Variants in BCL2L11 observed in about 807,000 individuals in gnomAD.
BCL2L11 encodes BCL2 like 11.
Under a neutral mutation model 20.6 loss-of-function variants are expected in BCL2L11, and 15 were observed. The observed-to-expected ratio is 0.73, with a 90% CI of 0.49 to 1.12. The LOEUF (loss-of-function observed/expected upper bound fraction) is 1.12. Ranked by LOEUF, BCL2L11 falls within the 50% of genes most tolerant of loss-of-function variation. BCL2L11 has a pLI of 0.00. For synonymous variants in BCL2L11, 108 were observed against 92.8 expected, an observed-to-expected ratio of 1.16 and a Z score of -0.94; for missense variants, 292 against 260.9, an observed-to-expected ratio of 1.12 and a Z score of -0.82.
intron 2 of BCL2L11, chr2:111,142,388 C>T: frequency 6.5e-7 from 1 of 1,550,126 alleles, no homozygotes; most frequent in South Asian, 1.2e-5. Context: ...TTAGCAAAAT[C>T]AAGGTGAAAA....
chr2:111,121,578 T>C (rs1268646109), intron 1 of BCL2L11, among the ~76,000 whole-genome samples: 2 of 152,176 alleles, frequency 1.3e-5, no homozygotes, highest in East Asian at 3.9e-4. Flanking sequence ...CGCCGCCGGC[T>C]CCGGCGCCCT....
At chr2:111,157,041 G>A (rs1223350076) in intron 3 of BCL2L11, among the ~76,000 whole-genome samples, 1 of 152,216 alleles carries the variant, frequency 6.6e-6, no homozygotes, top group Admixed American at 6.5e-5. Flanking sequence ...AATATGAGAT[G>A]AGGCTGAGGC....
At chr2:111,144,526 T>C (rs1390280344) in intron 2 of BCL2L11, 2 of 1,550,408 alleles carry the variant, frequency 1.3e-6, no homozygotes, top group African/African-American at 1.4e-5. Context: ...CCCAGGTGAG[T>C]TTTATAAGGA....
At chr2:111,125,939 C>T (rs1005935907) in intron 2 of BCL2L11, among the ~76,000 whole-genome samples, 5 of 152,156 alleles carry the variant, frequency 3.3e-5, no homozygotes, top group African/African-American at 1.2e-4. Context: ...ACTATAACAT[C>T]CTTGCTTACT....
At position 111,164,168 on chromosome 2, in the gene BCL2L11, C is replaced by T. The variant is rs1009942327; in HGVS notation, c.534C>T (p.His178=). 7 of 1,611,480 alleles carry T rather than the reference C, an allele frequency of 4.3e-6. No individual in the cohort carries two copies. Among genetic ancestry groups the T allele is most frequent in the African/African-American group, 4.0e-5 (3 of 74,814 alleles). Reference sequence around the variant, plus strand: ...ATAATTACCAAGCAGCCGAAGACCACCCACGAATGGTTATCTTACGACTGT... The same window carrying T: ...ATAATTACCAAGCAGCCGAAGACCATCCACGAATGGTTATCTTACGACTGT... ...FLNNYQAAED[H]PRMVILRLLR... Residue 178 remains histidine (H), a synonymous_variant, in exon 4 of 4, where the codon CAC becomes CAT. Coordinates refer to ENST00000393256, the MANE Select transcript of BCL2L11 (RefSeq NM_138621.5).
At position 111,150,154 on chromosome 2, in the gene BCL2L11, A is replaced by T. The variant is rs1043863932; in HGVS notation, c.498+7A>T. On this transcript the variant is annotated splice_region_variant and intron_variant, in intron 3 of 3. Transcript: ENST00000393256. ...CGCTTACTATGCAAGGAGGGTAATGATGTTTTCTTTACCCGCTTTTCTGCT... is the reference window on the plus strand; with the variant it reads ...CGCTTACTATGCAAGGAGGGTAATGTTGTTTTCTTTACCCGCTTTTCTGCT... The T allele has an allele frequency of 1.2e-6, 2 of 1,613,190 alleles. No individual in the cohort carries two copies. Among genetic ancestry groups the T allele is most frequent in the East Asian group, 2.2e-5 (1 of 44,852 alleles).
chr2:111,122,198 G>A (rs559172100), intron 1 of BCL2L11, among the ~76,000 whole-genome samples: 2 of 152,358 alleles, frequency 1.3e-5, no homozygotes, highest in East Asian at 3.9e-4. Flanking sequence ...GGTGACGGCC[G>A]TTAGGGTCTG....
chr2:111,129,616 C>T (rs1197336510), intron 2 of BCL2L11, among the ~76,000 whole-genome samples: 4 of 152,238 alleles, frequency 2.6e-5, no homozygotes, highest in African/African-American at 9.6e-5. Flanking sequence ...GAGATTTCAT[C>T]AGTTTCACAT....
At position 111,164,374 on chromosome 2, in the gene BCL2L11, C is replaced by G. The variant is rs970725531; in HGVS notation, c.*143C>G. 7.9e-6 allele frequency: 5 copies of G among 634,566 alleles called. No individual in the cohort carries two copies. The highest frequency in any genetic ancestry group is 7.3e-5 in the South Asian group (4 of 54,784). 39.3% of individuals were successfully genotyped at this position (634,566 alleles called of 1,614,324 possible). A position where few individuals can be genotyped will look rare whatever the true frequency, so the allele number is the denominator to read the frequency against. ...GGGCAGGTGACGTTTCAGAAGACAC[C>G]GAGCTGGATGGGACTACCTTTCTGT... On this transcript the variant is annotated 3_prime_UTR_variant, in exon 4 of 4. Coordinates refer to ENST00000393256, the MANE Select transcript of BCL2L11 (RefSeq NM_138621.5).
At chr2:111,154,217 A>G (rs560778443) in intron 3 of BCL2L11, among the ~76,000 whole-genome samples, 3 of 152,306 alleles carry the variant, frequency 2.0e-5, no homozygotes, top group African/African-American at 7.2e-5. Context: ...TTCAGTGTAT[A>G]TTTCCCAAAA....
At chr2:111,128,389 T>G (rs2073136159) in intron 2 of BCL2L11, among the ~76,000 whole-genome samples, 1 of 152,150 alleles carries the variant, frequency 6.6e-6, no homozygotes, top group Admixed American at 6.5e-5. Context: ...TTGTGAGTAG[T>G]GCTGCTATGA....
intron 3 of BCL2L11, chr2:111,152,035 G>C (rs920296310): frequency 3.0e-5 from 21 of 711,120 alleles, no homozygotes; most frequent in Admixed American, 1.5e-4. Context: ...TGACTAGGAA[G>C]AACTGGTGAG....
chr2:111,164,303 G>C lies in BCL2L11; in HGVS notation c.*72G>C. ...CAAACCAACAAGACCCAGCACCGCG[G>C]TCTCCTGGTGCCATTATTATGCAGC... On this transcript the variant is annotated 3_prime_UTR_variant, in exon 4 of 4. Transcript: ENST00000393256. 8.9e-7 allele frequency: 1 copy of C among 1,121,388 alleles called. No individual in the cohort carries two copies. The highest frequency in any genetic ancestry group is 2.1e-4 in the Middle Eastern group (1 of 4,854). 69.5% of individuals were successfully genotyped at this position (1,121,388 alleles called of 1,614,324 possible).
intron 2 of BCL2L11, 73 bp downstream of exon 2, chr2:111,124,212 T>A: frequency 6.9e-7 from 1 of 1,448,186 alleles, no homozygotes; most frequent in Non-Finnish European, 9.3e-7. Context: ...GTGTGGCATT[T>A]AAAATCCCCT....
chr2:111,159,944 T>C (rs989799801), intron 3 of BCL2L11, among the ~76,000 whole-genome samples: 9 of 152,256 alleles, frequency 5.9e-5, no homozygotes, highest in Non-Finnish European at 1.2e-4. Flanking sequence ...AGAGAAAGAC[T>C]GCTTAAGTCT....
intron 2 of BCL2L11, among the ~76,000 whole-genome samples, chr2:111,146,539 C>T (rs1050163826): frequency 2.0e-5 from 3 of 152,128 alleles, no homozygotes; most frequent in Admixed American, 1.3e-4. Context: ...GAAGACCATA[C>T]CGGTGGATCC....
intron 2 of BCL2L11, among the ~76,000 whole-genome samples, chr2:111,133,124 T>G (rs938364811): frequency 6.6e-6 from 1 of 152,236 alleles, no homozygotes; most frequent in African/African-American, 2.4e-5. Flanking sequence ...ATGAGTAGTT[T>G]CCAAATTTTG....
At chr2:111,121,876 G>A (rs1443672723) in intron 1 of BCL2L11, among the ~76,000 whole-genome samples, 2 of 152,186 alleles carry the variant, frequency 1.3e-5, no homozygotes, top group East Asian at 3.9e-4. Context: ...CCGCGCAGGG[G>A]ACTAGTCGCG....
intron 2 of BCL2L11, among the ~76,000 whole-genome samples, chr2:111,140,044 T>C (rs1412904010): frequency 6.6e-6 from 1 of 152,244 alleles, no homozygotes; most frequent in Non-Finnish European, 1.5e-5. Flanking sequence ...GCAAGTGCTG[T>C]GTCTGTAAAC....
Sources: gnomAD v4.1 joint callset for allele counts (sites outside exome capture counted in the v4.1 genomes callset) on GRCh38, gnomAD v4.1.1 for gene constraint, MANE v1.5 for transcripts, NCBI Gene and HGNC (gene_info 2026-07-23, HGNC 2026-07-21) for gene names.